Variants in DOCK9 observed in about 807,000 individuals in gnomAD.
DOCK9 encodes the protein dedicator of cytokinesis 9.
In DOCK9, 89 loss-of-function variants were observed where a neutral mutation model predicts 263.3. The ratio of observed to expected loss-of-function variants is 0.34; its 90% CI spans 0.28 to 0.40. The LOEUF (loss-of-function observed/expected upper bound fraction) is 0.40, where lower values mean the gene tolerates loss of function less well. Among genes scored for constraint, DOCK9 ranks in the 10% least tolerant of loss-of-function variants. The pLI is 1.00. For synonymous variants in DOCK9, 976 were observed against 973.1 expected, an observed-to-expected ratio of 1.00 and a Z score of -0.06; for missense variants, 2,140 against 2,603.4, an observed-to-expected ratio of 0.82 and a Z score of 3.87.
chr13:98,969,154 A>G (rs1347505632), intron 1 of DOCK9, among the ~76,000 whole-genome samples: 1 of 152,192 alleles, frequency 6.6e-6, no homozygotes, highest in Admixed American at 6.5e-5. Flanking sequence ...TCTGTACACA[A>G]AAGTACTCTG....
At position 98,850,454 on chromosome 13, in the gene DOCK9, G is replaced by A. The variant is rs375684652; in HGVS notation, c.3947-341C>T. On this transcript the variant is annotated intron_variant, in intron 35 of 52. Transcript: ENST00000682017. ...ACAAGTGGACATATAACCTAAAGCC[G>A]GGCTCTCTTGTCTCCTACTACAGGA... Among the ~76,000 whole-genome samples the A allele has an allele frequency of 1.4e-3, 213 of 152,214 alleles. 6 individuals carry two copies. In the South Asian group the frequency reaches 0.042, roughly 30 times the overall value.
intron 2 of DOCK9, among the ~76,000 whole-genome samples, chr13:98,939,904 T>C (rs961405415): frequency 7.2e-5 from 11 of 152,254 alleles, no homozygotes; most frequent in Non-Finnish European, 1.2e-4. Flanking sequence ...TGTAGAATTA[T>C]GTCCCTTTGA....
At chr13:98,891,084 C>T (rs2046545225) in intron 15 of DOCK9, among the ~76,000 whole-genome samples, 1 of 152,154 alleles carries the variant, frequency 6.6e-6, no homozygotes, top group Admixed American at 6.5e-5. Context: ...GCTTCACACA[C>T]ACAAGATCCT....
intron 1 of DOCK9, among the ~76,000 whole-genome samples, chr13:98,994,756 A>G (rs1880615326): frequency 6.6e-6 from 1 of 152,028 alleles, no homozygotes; most frequent in Non-Finnish European, 1.5e-5. Context: ...TTGTCTGTAT[A>G]TCAAGTGGTA....
intron 15 of DOCK9, among the ~76,000 whole-genome samples, chr13:98,891,163 C>A (rs993560536): frequency 6.6e-6 from 1 of 152,078 alleles, no homozygotes; most frequent in Admixed American, 6.5e-5. Flanking sequence ...AGCTTTTGAC[C>A]CAGCATCTCC....
In DOCK9 at chr13:98,853,491, A is replaced by G; in HGVS notation, c.3863T>C (p.Val1288Ala). Residue 1288 changes from valine to alanine, a missense_variant, in exon 35 of 53, where the codon GTG (valine) becomes GCG (alanine). Around this residue, in one of 2 missense-constraint regions of DOCK9, gnomAD observed 1,521 missense variants for 1,741.7 expected, o/e 0.87. Coordinates refer to ENST00000682017, the MANE Select transcript of DOCK9 (RefSeq NM_001366683.2). ...HQQSSTLGNS[V>A]VRCDKLDQSE... ...CTGGTCAAGTTTATCACAGCGAACC[A>G]CGGAATTTCCCAATGTGCTACTTTG... 1 of 1,613,730 alleles carries G rather than the reference A, an allele frequency of 6.2e-7. No individual in the cohort carries two copies. Among genetic ancestry groups the G allele is most frequent in the East Asian group, 2.2e-5 (1 of 44,868 alleles).
intron 9 of DOCK9, among the ~76,000 whole-genome samples, chr13:98,909,547 A>G (rs1164702097): frequency 6.6e-6 from 1 of 152,204 alleles, no homozygotes. Context: ...TGAGGCCAAA[A>G]TATATAATCT....
intron 35 of DOCK9, among the ~76,000 whole-genome samples, chr13:98,851,437 T>G (rs1392668717): frequency 2.0e-5 from 3 of 152,040 alleles, no homozygotes. Context: ...CAGTGCATGC[T>G]GGAGAGCCTG....
In DOCK9 at chr13:99,070,784, T is replaced by A. The variant is rs144248198; in HGVS notation, c.129+15439A>T. 4.2e-3 allele frequency among the ~76,000 whole-genome samples: 645 copies of A among 152,348 alleles called. 3 individuals carry two copies. Among genetic ancestry groups the A allele is most frequent in the African/African-American group, 0.015 (604 of 41,582 alleles). ...TCCTACTGCCATCCATGGCAAGAAC[T>A]ATCCCCCTAGTAACAGAAACTTGGT... On this transcript the variant is annotated intron_variant, in intron 1 of 32. Coordinates refer to the DOCK9 transcript ENST00000427887.
intron 3 of DOCK9, among the ~76,000 whole-genome samples, chr13:98,926,427 A>G (rs1391510453): frequency 2.0e-5 from 3 of 152,230 alleles, no homozygotes; most frequent in African/African-American, 7.2e-5. Flanking sequence ...AGGAAGAAAC[A>G]TATGCATTCC....
chr13:98,998,788 A>C (rs892436232), intron 1 of DOCK9, among the ~76,000 whole-genome samples: 1 of 152,152 alleles, frequency 6.6e-6, no homozygotes, highest in African/African-American at 2.4e-5. Context: ...TCATGGAGAG[A>C]GGCGAAGGCA....
Position 98,975,327 on chromosome 13 carries a change from A to G in DOCK9, c.126+2457T>C, listed in dbSNP as rs866256770. The stretch of plus-strand genomic sequence containing the variant: ...CAGTGGGCCGAGATCGTACCACTGC[A>G]CTGCAACCTGGATGACAGAGTAAGA... On this transcript the variant is annotated intron_variant, in intron 1 of 52. Coordinates refer to ENST00000682017, the MANE Select transcript of DOCK9 (RefSeq NM_001366683.2). Among the ~76,000 whole-genome samples, 5 of 152,042 alleles carry G rather than the reference A, an allele frequency of 3.3e-5. No individual in the cohort carries two copies. The South Asian group carries it at 8.3e-4, about 25-fold the overall frequency.
intron 9 of DOCK9, among the ~76,000 whole-genome samples, chr13:98,905,515 C>T (rs1325322185): frequency 4.6e-5 from 7 of 151,710 alleles, no homozygotes; most frequent in Admixed American, 4.6e-4. Context: ...GGAGAAGGCA[C>T]AGCAGGTGCA....
intron 1 of DOCK9, among the ~76,000 whole-genome samples, chr13:99,030,649 A>C (rs1887237861): frequency 6.6e-6 from 1 of 152,246 alleles, no homozygotes; most frequent in Admixed American, 6.5e-5. Context: ...AATGCCTCTT[A>C]ATAGTGACAT....
intron 49 of DOCK9, among the ~76,000 whole-genome samples, chr13:98,804,086 G>C (rs946223114): frequency 2.0e-5 from 3 of 152,272 alleles, no homozygotes; most frequent in Admixed American, 2.0e-4. Flanking sequence ...TATTATGATA[G>C]TGTGTATTAT....
intron 38 of DOCK9, among the ~76,000 whole-genome samples, chr13:98,840,621 C>T (rs2093175997): frequency 1.3e-5 from 2 of 152,128 alleles, no homozygotes; most frequent in Admixed American, 6.5e-5. Context: ...GACACATCGG[C>T]GAACCTCCTC....
At position 98,930,188 on chromosome 13, in the gene DOCK9, G is replaced by C. The variant is rs369460777; in HGVS notation, c.313C>G (p.Gln105Glu). The C allele has an allele frequency of 9.9e-6, 16 of 1,611,208 alleles. No individual in the cohort carries two copies. Among genetic ancestry groups the C allele is most frequent in the East Asian group, 2.2e-5 (1 of 44,862 alleles). The part of the protein sequence containing the change: ...TVPAKAEEEA[Q>E]SLFVTECIKT... Reference sequence around the variant, plus strand: ...CTTACCTCTGTAACAAACAAGCTCTGTGCTTCCTCTTCCGCCTTCGCAGGC... The same window carrying C: ...CTTACCTCTGTAACAAACAAGCTCTCTGCTTCCTCTTCCGCCTTCGCAGGC... Residue 105 changes from glutamine to glutamate, a missense_variant, in exon 3 of 53, where the codon CAG becomes GAG. By Grantham distance (29) the Gln-to-Glu change is conservative. Coordinates refer to ENST00000682017, the MANE Select transcript of DOCK9 (RefSeq NM_001366683.2).
At chr13:98,993,693 A>G (rs187295993) in intron 1 of DOCK9, among the ~76,000 whole-genome samples, 108 of 152,366 alleles carry the variant, frequency 7.1e-4, no homozygotes, top group African/African-American at 2.3e-3. Context: ...GTAAGCTGAG[A>G]TTGCGTCACT....
chr13:99,051,970 G>C (rs2040720634), intron 1 of DOCK9, among the ~76,000 whole-genome samples: 1 of 151,544 alleles, frequency 6.6e-6, no homozygotes. Flanking sequence ...AGAGAAATCA[G>C]TTGGCTTTTT....
Sources: allele counts gnomAD v4.1 joint callset (sites outside exome capture counted in the v4.1 genomes callset), GRCh38; gene constraint gnomAD v4.1.1; regional missense constraint gnomAD v4.1.1; transcripts MANE v1.5; gene names NCBI Gene and HGNC (gene_info 2026-07-23, HGNC 2026-07-21).